Variants in RPS6KC1 observed in about 807,000 individuals in gnomAD.
RPS6KC1 encodes the protein inactive ribosomal protein S6 kinase delta-1.
RPS6KC1 carries 54 observed loss-of-function variants against 103.8 expected under a neutral mutation model. The observed-to-expected ratio is 0.52, with a 90% CI of 0.42 to 0.65. The LOEUF is 0.65. RPS6KC1 is among the 30% of genes least tolerant of loss of function. The probability of loss-of-function intolerance (pLI) is 0.00; values close to 1 mark genes in which losing one functional copy is unlikely to be tolerated. For synonymous variants in RPS6KC1, 439 were observed against 438.7 expected (o/e 1.00, Z -0.01); for missense variants, 1,151 against 1,253.8 (o/e 0.92, Z 1.24).
At chr1:213,518,520 C>T in the RPS6KC1 span, among the ~76,000 whole-genome samples, 1 of 152,200 alleles carries the variant, frequency 6.6e-6, no homozygotes, top group African/African-American at 2.4e-5. Flanking sequence ...CCCTGACCTG[C>T]TGACACCTTG....
At chr1:213,076,649 T>A (rs1414529831) in intron 2 of RPS6KC1, among the ~76,000 whole-genome samples, 5 of 152,218 alleles carry the variant, frequency 3.3e-5, no homozygotes, top group Middle Eastern at 3.4e-3. Context: ...TGAGTAAGGT[T>A]AAATAATAAT....
the RPS6KC1 span, among the ~76,000 whole-genome samples, chr1:213,367,781 T>C: frequency 1.3e-5 from 2 of 151,160 alleles, no homozygotes; most frequent in African/African-American, 4.8e-5. Flanking sequence ...CTCTAAGATC[T>C]TGATTGAAAC....
the RPS6KC1 span, among the ~76,000 whole-genome samples, chr1:213,322,709 C>T: frequency 3.7e-3 from 568 of 152,088 alleles, 3 homozygotes; most frequent in South Asian, 6.4e-3. Context: ...TTCCTCAGCT[C>T]GTGGCTCCTT....
chr1:213,152,060 C>T (rs1156936407), intron 6 of RPS6KC1, among the ~76,000 whole-genome samples: 2 of 143,934 alleles, frequency 1.4e-5, no homozygotes, highest in Non-Finnish European at 3.1e-5. Flanking sequence ...GGGGGCTAAC[C>T]CCCCCACCTC....
chr1:213,303,784 A>G, the RPS6KC1 span, among the ~76,000 whole-genome samples: 6 of 152,180 alleles, frequency 3.9e-5, no homozygotes, highest in Admixed American at 3.9e-4. Context: ...AAGGCTCTAA[A>G]TAGTGTTATA....
the RPS6KC1 span, among the ~76,000 whole-genome samples, chr1:213,446,575 A>G: frequency 6.6e-6 from 1 of 152,200 alleles, no homozygotes; most frequent in Non-Finnish European, 1.5e-5. Flanking sequence ...ACTTAAAGTC[A>G]GCTGATAGTA....
chr1:213,704,327 G>A, the RPS6KC1 span, among the ~76,000 whole-genome samples: 1 of 141,422 alleles, frequency 7.1e-6, no homozygotes. Flanking sequence ...GGCGGAGCCT[G>A]CAGTGAGCCG....
Position 213,056,058 on chromosome 1 carries a change from T to C in RPS6KC1, c.105+4549T>C, listed in dbSNP as rs2077309549. Among the ~76,000 whole-genome samples the C allele has an allele frequency of 2.0e-5, 3 of 152,328 alleles. 1 individual carries two copies. In the South Asian group the frequency reaches 6.2e-4, roughly 32 times the overall value. ...GGGATTGTGGGCACAAGCTACCTCA[T>C]TGGCTTTGCACCTATTTAAAGTAGT... On this transcript the variant is annotated intron_variant, in intron 1 of 14. Transcript: ENST00000366960.
At chr1:213,545,436 AGAG>A in the RPS6KC1 span, among the ~76,000 whole-genome samples, 8 of 86,710 alleles carry the variant, frequency 9.2e-5, no homozygotes, top group South Asian at 4.7e-4. Flanking sequence ...AAAATAAAAG[AGAG>A]AGAGAGAGAG....
the RPS6KC1 span, among the ~76,000 whole-genome samples, chr1:213,326,102 G>C: frequency 6.6e-6 from 1 of 152,144 alleles, no homozygotes; most frequent in Non-Finnish European, 1.5e-5. Context: ...GAAAGAGAGA[G>C]CGGGAGGCAG....
chr1:213,457,591 G>T, the RPS6KC1 span, among the ~76,000 whole-genome samples: 1 of 152,158 alleles, frequency 6.6e-6, no homozygotes, highest in Non-Finnish European at 1.5e-5. Flanking sequence ...CCAGAGCTCA[G>T]GTTGATTTCC....
At chr1:213,854,536 CTTTCTTTCTTTCTTTCTTTCTTTCTT>C in the RPS6KC1 span, among the ~76,000 whole-genome samples, 3 of 102,150 alleles carry the variant, frequency 2.9e-5, no homozygotes, top group African/African-American at 1.3e-4. Flanking sequence ...TTCTTTCTTT[CTTTCTTTCTTTCTTTCTTTCTTTCTT>C]TCTCTCTCTC....
chr1:213,799,517 A>T, the RPS6KC1 span, among the ~76,000 whole-genome samples: 1 of 152,234 alleles, frequency 6.6e-6, no homozygotes, highest in Non-Finnish European at 1.5e-5. Context: ...GATGATAGTT[A>T]AAATTTTCTA....
intron 6 of RPS6KC1, among the ~76,000 whole-genome samples, chr1:213,158,571 G>A (rs2090151149): frequency 6.6e-6 from 1 of 152,172 alleles, no homozygotes. Context: ...ATTAATTTTA[G>A]TTTATTGTAC....
chr1:213,323,756 C>T, the RPS6KC1 span, among the ~76,000 whole-genome samples: 2 of 152,062 alleles, frequency 1.3e-5, no homozygotes, highest in East Asian at 3.8e-4. Context: ...GAGGCAGGTA[C>T]AGAGATTTTT....
chr1:213,252,605 T>C (rs983981296), intron 12 of RPS6KC1, among the ~76,000 whole-genome samples: 2 of 152,230 alleles, frequency 1.3e-5, no homozygotes, highest in Non-Finnish European at 2.9e-5. Flanking sequence ...AGATCTTTTT[T>C]TGATCCTGAA....
At chr1:213,291,364 C>T in the RPS6KC1 span, among the ~76,000 whole-genome samples, 1 of 152,202 alleles carries the variant, frequency 6.6e-6, no homozygotes, top group Non-Finnish European at 1.5e-5. Context: ...TGCTGCCTCT[C>T]GCACTTTATT....
chr1:213,149,969 A>C (rs1037211213), intron 6 of RPS6KC1, among the ~76,000 whole-genome samples: 2 of 152,186 alleles, frequency 1.3e-5, no homozygotes, highest in Non-Finnish European at 2.9e-5. Flanking sequence ...ATCAGAAAAA[A>C]TATTTTTTAG....
intron 4 of RPS6KC1, among the ~76,000 whole-genome samples, chr1:213,112,070 G>A (rs1270577739): frequency 6.6e-6 from 1 of 152,144 alleles, no homozygotes; most frequent in African/African-American, 2.4e-5. Flanking sequence ...TTAAAAACAA[G>A]CTGACAGAGA....
Sources: allele counts gnomAD v4.1 joint callset (sites outside exome capture counted in the v4.1 genomes callset), GRCh38; gene constraint gnomAD v4.1.1; transcripts MANE v1.5; gene names NCBI Gene and HGNC (gene_info 2026-07-23, HGNC 2026-07-21).